TMPRSS11B: variants seen among roughly 807,000 people sequenced by gnomAD.
TMPRSS11B encodes transmembrane serine protease 11B.
In TMPRSS11B, 53 loss-of-function variants were observed where a neutral mutation model predicts 44.7. That is an observed-to-expected ratio of 1.19 (90% confidence interval 0.95 to 1.49). The LOEUF (loss-of-function observed/expected upper bound fraction) is 1.49, where lower values mean the gene tolerates loss of function less well. Ranked by LOEUF, TMPRSS11B falls within the 40% of genes most tolerant of loss-of-function variation. The pLI is 0.00. For missense variants in TMPRSS11B, 526 were observed against 494.8 expected (o/e 1.06, Z -0.60); for synonymous variants, 140 against 159.2 (o/e 0.88, Z 0.91).
chr4:68,232,194 T>C, intron 6 of TMPRSS11B, 184 bp downstream of exon 6: 1 of 393,636 alleles, frequency 2.5e-6, no homozygotes, highest in Non-Finnish European at 4.6e-6. Flanking sequence ...TTTTAATAAA[T>C]GTTAAAATTA....
Position 68,233,873 on chromosome 4 carries a change from G to A in TMPRSS11B, c.469+590C>T, listed in dbSNP as rs527802928. On this transcript the variant is annotated intron_variant, in intron 5 of 9. Transcript: ENST00000332644. ...GAGATCCTGACAAAAGCAAGGAGTA[G>A]AAAAGAAAGATACTTTGCCTGGGCT... 2.2e-3 allele frequency among the ~76,000 whole-genome samples: 327 copies of A among 151,974 alleles called. 1 individual carries two copies. The highest frequency in any genetic ancestry group is 7.0e-3 in the African/African-American group (289 of 41,482).
chr4:68,240,663 G>A (rs1719799037), intron 2 of TMPRSS11B, among the ~76,000 whole-genome samples: 1 of 152,092 alleles, frequency 6.6e-6, no homozygotes, highest in Non-Finnish European at 1.5e-5. Context: ...AATGAGTAGA[G>A]GGAAAGAGAG....
rs772183366 is a variant in TMPRSS11B at position 68,227,988 on chromosome 4, CA to C, written c.1173del (p.Cys391TrpfsTer13). 3.7e-6 allele frequency: 6 copies of C among 1,613,668 alleles called. No homozygotes were observed. The highest frequency in any genetic ancestry group is 5.1e-6 in the Non-Finnish European group (6 of 1,179,884). On this transcript the variant is annotated frameshift_variant, in exon 10 of 10. Coordinates refer to ENST00000332644, the MANE Select transcript of TMPRSS11B (RefSeq NM_182502.3). LOFTEE classifies it high-confidence loss of function. ...TAGACACCTGGCTTATTCTTTTTAC[CA>C]CATCCATCACCCCAGCTTACTATTC... ...LVGIVSWGDG[C>X]GKKNKPGVYT...
chr4:68,239,027 C>T (rs891718988), intron 2 of TMPRSS11B, among the ~76,000 whole-genome samples: 2 of 152,158 alleles, frequency 1.3e-5, no homozygotes, highest in Admixed American at 1.3e-4. Flanking sequence ...AGAATTCTAT[C>T]AGTTCAAGGT....
In TMPRSS11B at chr4:68,242,280, T is replaced by TA. The variant is rs1560445513; in HGVS notation, c.9-477dup. Among the ~76,000 whole-genome samples, 95 of 77,444 alleles carry TA rather than the reference T, an allele frequency of 1.2e-3. 2 individuals are homozygous for TA. The highest frequency in any genetic ancestry group is 5.5e-3 in the African/African-American group (88 of 16,004). 50.8% of individuals were successfully genotyped at this position (77,444 alleles called of 152,430 possible). ...ATAATATATATAATATAATATTATATATATTATATTATACATAATATAATA... is the reference window on the plus strand; with the variant it reads ...ATAATATATATAATATAATATTATATAATATTATATTATACATAATATAATA... On this transcript the variant is annotated intron_variant, in intron 1 of 9. Transcript: ENST00000332644.
At chr4:68,233,591 T>C (rs1390026439) in intron 5 of TMPRSS11B, among the ~76,000 whole-genome samples, 1 of 152,130 alleles carries the variant, frequency 6.6e-6, no homozygotes, top group Non-Finnish European at 1.5e-5. Context: ...CATTTTCTAG[T>C]GTTTCTTTAG....
intron 2 of TMPRSS11B, among the ~76,000 whole-genome samples, chr4:68,236,511 G>GA (rs1719671711): frequency 6.6e-6 from 1 of 152,096 alleles, no homozygotes. Flanking sequence ...AAGGGAGGGA[G>GA]AAAAATAAAA....
At chr4:68,239,423 G>T (rs1719763657) in intron 2 of TMPRSS11B, among the ~76,000 whole-genome samples, 1 of 152,132 alleles carries the variant, frequency 6.6e-6, no homozygotes, top group Admixed American at 6.5e-5. Context: ...AGTCTCCCCA[G>T]AAACTAACCA....
At chr4:68,241,179 CTA>C (rs1330276850) in intron 2 of TMPRSS11B, among the ~76,000 whole-genome samples, 1 of 152,058 alleles carries the variant, frequency 6.6e-6, no homozygotes, top group Non-Finnish European at 1.5e-5. Context: ...AAATTGGAAA[CTA>C]AGCTTTGTGA....
chr4:68,235,532 A>T lies in TMPRSS11B; in HGVS notation c.308+470T>A, dbSNP rs551117350. Among the ~76,000 whole-genome samples the T allele has an allele frequency of 4.6e-5, 7 of 152,324 alleles. No individual in the cohort carries two copies. The South Asian group carries it at 1.2e-3, about 27-fold the overall frequency. On this transcript the variant is annotated intron_variant, in intron 4 of 9. Transcript: ENST00000332644. Reference sequence around the variant, plus strand: ...GCATCCTTCAAAGGTGTGTCTAGACAAATGTTGTCTTAAAATATTGTCTTT... The same window carrying T: ...GCATCCTTCAAAGGTGTGTCTAGACTAATGTTGTCTTAAAATATTGTCTTT...
In TMPRSS11B at chr4:68,229,495, C is replaced by T; in HGVS notation, c.708G>A (p.Trp236Ter). ...TTACTACAATTCCAAAGTTGACAGT[C>T]CAATCTTTTGAATTATTTTTCCTAG... Reference protein sequence around the residue: ...CFAKKNNSKDWTVNFGIVVNK... With the variant: ...CFAKKNNSKD Residue 236 changes from tryptophan (W) to a stop codon, truncating the protein, a stop_gained, in exon 8 of 10, where the codon TGG becomes TGA. Transcript: ENST00000332644. LOFTEE classifies it high-confidence loss of function. 1 of 1,612,244 alleles carries T rather than the reference C, an allele frequency of 6.2e-7. No individual in the cohort carries two copies. The highest frequency in any genetic ancestry group is 1.1e-5 in the South Asian group (1 of 90,786).
chr4:68,245,528 C>G (rs1210425087), intron 1 of TMPRSS11B, 23 bp downstream of exon 1: 1 of 1,613,190 alleles, frequency 6.2e-7, no homozygotes, highest in East Asian at 2.2e-5. Flanking sequence ...CCAACTTGCT[C>G]TCCCCAGTGA....
At chr4:68,235,648 A>G (rs1268048632) in intron 4 of TMPRSS11B, among the ~76,000 whole-genome samples, 1 of 152,156 alleles carries the variant, frequency 6.6e-6, no homozygotes, top group Admixed American at 6.5e-5. Context: ...AACCAGTTGA[A>G]TTATTTGTTT....
intron 2 of TMPRSS11B, among the ~76,000 whole-genome samples, chr4:68,240,621 T>G (rs1719797855): frequency 6.6e-6 from 1 of 152,130 alleles, no homozygotes. Context: ...AGCACTGTAC[T>G]TAAGGAAATT....
Position 68,229,422 on chromosome 4 carries a change from T to C in TMPRSS11B, c.781A>G (p.Asn261Asp). Residue 261 changes from asparagine to aspartate, a missense_variant, in exon 8 of 10, where the codon AAT (asparagine) becomes GAT (aspartate). Coordinates refer to ENST00000332644, the MANE Select transcript of TMPRSS11B (RefSeq NM_182502.3). ...RKVQNIIFHENYSSPGLHDDI... is the reference protein window; with the variant it reads ...RKVQNIIFHEDYSSPGLHDDI... ...TCATGAAGCCCAGGACTGCTATAATTTTCATGAAAAATAATGTTTTGGACT... is the reference window on the plus strand; with the variant it reads ...TCATGAAGCCCAGGACTGCTATAATCTTCATGAAAAATAATGTTTTGGACT... The C allele has an allele frequency of 6.2e-7, 1 of 1,613,996 alleles. No homozygotes were observed. The highest frequency in any genetic ancestry group is 8.5e-7 in the Non-Finnish European group (1 of 1,179,972).
chr4:68,234,668 T>C, intron 4 of TMPRSS11B, 45 bp from the exon 5 acceptor site: 1 of 1,596,226 alleles, frequency 6.3e-7, no homozygotes, highest in Non-Finnish European at 8.5e-7. Context: ...CTTGATCTTT[T>C]AGAGGTTTTG....
At chr4:68,235,977 A>G in intron 4 of TMPRSS11B, 25 bp downstream of exon 4, 1 of 1,458,434 alleles carries the variant, frequency 6.9e-7, no homozygotes. Flanking sequence ...TCCTTTCATA[A>G]AATCTTAAAT....
At position 68,229,319 on chromosome 4, in the gene TMPRSS11B, T is replaced by C; in HGVS notation, c.884A>G (p.Lys295Arg). 6.2e-7 allele frequency: 1 copy of C among 1,613,864 alleles called. No homozygotes were observed. The highest frequency in any genetic ancestry group is 8.5e-7 in the Non-Finnish European group (1 of 1,179,852). ...YIRKICLPEA[K>R]MKLSENDNVV... is the part of the protein sequence containing the mutation. ...ATTGTCATTTTCTGAGAGCTTCATTTTGGCTTCAGGAAGACAAATCTTACG... is the reference window on the plus strand; with the variant it reads ...ATTGTCATTTTCTGAGAGCTTCATTCTGGCTTCAGGAAGACAAATCTTACG... The change falls in exon 8 of 10, where the codon AAA (lysine) becomes AGA (arginine). Residue 295 changes from lysine to arginine, a missense_variant. Lys to Arg is a conservative substitution (Grantham distance 26). Coordinates refer to ENST00000332644, the MANE Select transcript of TMPRSS11B (RefSeq NM_182502.3).
At chr4:68,236,978 G>A (rs1432932712) in intron 2 of TMPRSS11B, among the ~76,000 whole-genome samples, 2 of 150,722 alleles carry the variant, frequency 1.3e-5, no homozygotes, top group African/African-American at 2.4e-5. Context: ...TGGGATACAC[G>A]TGCAGAACAT....
Sources: gnomAD v4.1 joint callset for allele counts (sites outside exome capture counted in the v4.1 genomes callset) on GRCh38, gnomAD v4.1.1 for gene constraint, MANE v1.5 for transcripts, NCBI Gene and HGNC (gene_info 2026-07-23, HGNC 2026-07-21) for gene names.